SESTD1: variants seen among roughly 807,000 people sequenced by gnomAD.
The protein encoded by SESTD1 is SEC14 and spectrin domain containing 1, also known as SEC14 domain and spectrin repeat-containing protein 1.
Under a neutral mutation model 101.7 loss-of-function variants are expected in SESTD1, and 43 were observed. The observed-to-expected ratio is 0.42, with a 90% CI of 0.33 to 0.55. The LOEUF (loss-of-function observed/expected upper bound fraction) is 0.55. SESTD1 is among the 20% of genes least tolerant of loss of function. SESTD1 has a pLI of 0.07. For synonymous variants in SESTD1, 283 were observed against 286.8 expected (o/e 0.99, Z 0.13); for missense variants, 647 against 815.1 (o/e 0.79, Z 2.51).
chr2:179,112,822 C>G lies in SESTD1; in HGVS notation c.1863G>C (p.Glu621Asp), dbSNP rs1410460178. The G allele has an allele frequency of 1.2e-6, 2 of 1,611,878 alleles. No individual in the cohort carries two copies. The highest frequency in any genetic ancestry group is 2.7e-5 in the African/African-American group (2 of 74,830). ...AEKILQDCPE[E>D]PEAINDEEQF... ...GCTCCTCATCATTAATAGCTTCAGG[C>G]TCTTCTGGACAGTCCTGCAAAATCT... Residue 621 changes from glutamate to aspartate, a missense_variant, in exon 17 of 18, where the codon GAG (glutamate) becomes GAC (aspartate). Physicochemically the swap from Glu to Asp is conservative, Grantham distance 45. Around this residue, in one of 3 missense-constraint regions of SESTD1, gnomAD observed 476 missense variants for 562.6 expected, o/e 0.85. Coordinates refer to ENST00000428443, the MANE Select transcript of SESTD1 (RefSeq NM_178123.5).
chr2:179,120,775 T>A (rs1044106898), intron 13 of SESTD1, among the ~76,000 whole-genome samples: 8 of 152,214 alleles, frequency 5.3e-5, no homozygotes, highest in Admixed American at 1.3e-4. Context: ...GGGGAAGTAG[T>A]ATGAATGTAC....
At chr2:179,110,137 T>C (rs1218459783) in intron 17 of SESTD1, 109 bp from the exon 18 acceptor site, 3 of 1,020,360 alleles carry the variant, frequency 2.9e-6, no homozygotes, top group Non-Finnish European at 4.3e-6. Context: ...TGAGATAGCC[T>C]ATGTGTAAAT....
At chr2:179,177,175 C>T (rs916851677) in intron 3 of SESTD1, among the ~76,000 whole-genome samples, 15 of 152,136 alleles carry the variant, frequency 9.9e-5, no homozygotes, top group South Asian at 2.1e-4. Context: ...TCCTGTATTA[C>T]ATTGAGTGAT....
In SESTD1 at chr2:179,146,885, TTC is replaced by T. The variant is rs575317449; in HGVS notation, c.582-430_582-429del. On this transcript the variant is annotated intron_variant, in intron 7 of 17. Coordinates refer to ENST00000428443, the MANE Select transcript of SESTD1 (RefSeq NM_178123.5). ...CAGCAATCTTTGATAGCTGTGAATA[TTC>T]TGTCTTATATTCCAGGGGTGTGTGT... 3.4e-5 allele frequency among the ~76,000 whole-genome samples: 5 copies of T among 148,944 alleles called. 1 individual carries two copies. In the South Asian group the frequency reaches 1.1e-3, roughly 32 times the overall value.
intron 1 of SESTD1, among the ~76,000 whole-genome samples, chr2:179,229,419 G>A (rs908682669): frequency 6.6e-6 from 1 of 152,048 alleles, no homozygotes; most frequent in Non-Finnish European, 1.5e-5. Context: ...CCTTCAGACT[G>A]ACTGGAATTT....
At position 179,105,888 on chromosome 2, in the gene SESTD1, C is replaced by T. The variant is rs1484709080; in HGVS notation, c.*4011G>A. The T allele has an allele frequency of 6.6e-6, 1 of 152,136 alleles. No homozygotes were observed. Among genetic ancestry groups the T allele is most frequent in the Non-Finnish European group, 1.5e-5 (1 of 68,006 alleles). 9.4% of individuals were successfully genotyped at this position (152,136 alleles called of 1,614,324 possible). A position where few individuals can be genotyped will look rare whatever the true frequency, so the allele number is the denominator to read the frequency against. ...CAGTTCTTGTTTTAGCTGGTATGTT[C>T]TTTCCTCTACAAGTACTGCCATTAT... On this transcript the variant is annotated 3_prime_UTR_variant, in exon 18 of 18. Transcript: ENST00000428443.
chr2:179,154,998 C>T (rs2045601255), intron 5 of SESTD1, among the ~76,000 whole-genome samples: 1 of 152,188 alleles, frequency 6.6e-6, no homozygotes, highest in African/African-American at 2.4e-5. Flanking sequence ...ACTGTAGTCT[C>T]TGCCTCCCAG....
chr2:179,181,825 T>C (rs1419614310), intron 3 of SESTD1, among the ~76,000 whole-genome samples: 1 of 152,154 alleles, frequency 6.6e-6, no homozygotes, highest in East Asian at 1.9e-4. Context: ...TGTTATCTAA[T>C]GATGAACAAG....
intron 1 of SESTD1, among the ~76,000 whole-genome samples, chr2:179,193,223 T>C (rs1284541365): frequency 6.6e-6 from 1 of 152,226 alleles, no homozygotes; most frequent in East Asian, 1.9e-4. Context: ...TAAACCAGTA[T>C]ATAATTTTAT....
chr2:179,252,844 C>A (rs530878516), intron 1 of SESTD1, among the ~76,000 whole-genome samples: 1 of 152,258 alleles, frequency 6.6e-6, no homozygotes, highest in African/African-American at 2.4e-5. Context: ...CTGCAAAGAT[C>A]CAGATGTTAT....
intron 5 of SESTD1, among the ~76,000 whole-genome samples, chr2:179,161,711 T>C (rs1169385597): frequency 6.6e-6 from 1 of 152,108 alleles, no homozygotes; most frequent in Non-Finnish European, 1.5e-5. Flanking sequence ...GGAAAAGCTA[T>C]TTTCATGACC....
At chr2:179,139,369 G>A (rs919252115) in intron 9 of SESTD1, among the ~76,000 whole-genome samples, 2 of 151,994 alleles carry the variant, frequency 1.3e-5, no homozygotes, top group Non-Finnish European at 2.9e-5. Context: ...GAGCACCTCT[G>A]GACTCATCTA....
chr2:179,203,098 T>C lies in SESTD1; in HGVS notation c.-25-11232A>G, dbSNP rs777135780. ...AGGGGTGATCCCAGATGGGAAACAA[T>C]GAACAACTCTTCTGACAGATGGTTA... On this transcript the variant is annotated intron_variant, in intron 1 of 17. Coordinates refer to ENST00000428443, the MANE Select transcript of SESTD1 (RefSeq NM_178123.5). 2.2e-5 allele frequency among the ~76,000 whole-genome samples: 3 copies of C among 134,326 alleles called. 1 individual carries two copies. Among genetic ancestry groups the C allele is most frequent in the Non-Finnish European group, 4.8e-5 (3 of 62,588 alleles). The allele number at this position is 134,326 out of a possible 152,430, so 88.1% of individuals were successfully genotyped here.
chr2:179,241,753 T>A (rs2047157052), intron 1 of SESTD1, among the ~76,000 whole-genome samples: 2 of 152,062 alleles, frequency 1.3e-5, no homozygotes, highest in South Asian at 4.1e-4. Context: ...AAACCCTGTC[T>A]CTACTAAAAA....
At chr2:179,148,982 C>T (rs906968414) in intron 7 of SESTD1, among the ~76,000 whole-genome samples, 1 of 139,610 alleles carries the variant, frequency 7.2e-6, no homozygotes, top group Non-Finnish European at 1.5e-5. Context: ...ATGGCGGGAA[C>T]CCAGGAGGCG....
At chr2:179,113,134 T>C (rs2044549394) in intron 16 of SESTD1, among the ~76,000 whole-genome samples, 1 of 152,170 alleles carries the variant, frequency 6.6e-6, no homozygotes, top group Non-Finnish European at 1.5e-5. Context: ...AGAAAATAAC[T>C]AGACTACTAT....
rs145930992 is a variant in SESTD1 at position 179,203,031 on chromosome 2, T to C, written c.-25-11165A>G. 3.3e-3 allele frequency among the ~76,000 whole-genome samples: 441 copies of C among 133,400 alleles called. 113 individuals carry two copies. The highest frequency in any genetic ancestry group is 0.012 in the African/African-American group (417 of 33,656). 87.5% of individuals were successfully genotyped at this position (133,400 alleles called of 152,430 possible). A position where few individuals can be genotyped will look rare whatever the true frequency, so the allele number is the denominator to read the frequency against. Reference sequence around the variant, plus strand: ...GTCACTGCTGTTCTGTCAGAGGGGGTGGGGGAGATGTGGAGTCCTGATAAG... The same window carrying C: ...GTCACTGCTGTTCTGTCAGAGGGGGCGGGGGAGATGTGGAGTCCTGATAAG... On this transcript the variant is annotated intron_variant, in intron 1 of 17. Transcript: ENST00000428443.
intron 2 of SESTD1, among the ~76,000 whole-genome samples, chr2:179,191,446 G>A (rs556960063): frequency 6.6e-6 from 1 of 152,168 alleles, no homozygotes; most frequent in South Asian, 2.1e-4. Context: ...GGAGAGAAGG[G>A]GAAAAGGGCT....
intron 3 of SESTD1, among the ~76,000 whole-genome samples, chr2:179,179,443 T>TA (rs1305145887): frequency 3.9e-5 from 6 of 152,204 alleles, no homozygotes; most frequent in Non-Finnish European, 7.3e-5. Flanking sequence ...AAGACAATGT[T>TA]AGTGGATTTC....
Sources: gnomAD v4.1 joint callset for allele counts (sites outside exome capture counted in the v4.1 genomes callset) on GRCh38, gnomAD v4.1.1 for gene constraint, gnomAD v4.1.1 regional missense constraint, MANE v1.5 for transcripts, NCBI Gene and HGNC (gene_info 2026-07-23, HGNC 2026-07-21) for gene names.